DENND1C: variants seen among roughly 807,000 people sequenced by gnomAD.
DENND1C encodes DENN domain containing 1C, also known as DENN domain-containing protein 1C.
A neutral mutation model predicts 87.9 loss-of-function variants in DENND1C; 64 were observed. The observed-to-expected ratio is 0.73, with a 90% confidence interval of 0.60 to 0.90. The LOEUF (loss-of-function observed/expected upper bound fraction) is 0.90. Ranked by LOEUF, DENND1C falls within the 40% of genes least tolerant of loss-of-function variation. The pLI, the probability that DENND1C is intolerant of heterozygous loss-of-function variation, is 0.00. For missense variants in DENND1C, 980 were observed against 1,037.0 expected (o/e 0.95, Z 0.76); for synonymous variants, 384 against 424.4 (o/e 0.90, Z 1.17).
intron 1 of DENND1C, chr19:6,480,289 G>A (rs1331339021): frequency 7.1e-7 from 1 of 1,417,562 alleles, no homozygotes; most frequent in African/African-American, 1.4e-5. Context: ...GTGTGGCTGT[G>A]TATGATTGTG....
chr19:6,479,368 G>A lies in DENND1C; in HGVS notation c.176+301C>T, dbSNP rs1349404240. Reference sequence around the variant, plus strand: ...GAGTCCCTGGTCCCTGAGTTTCTGAGTCTCTGGGTTCCGAAGTCCCTGAAT... The same window carrying A: ...GAGTCCCTGGTCCCTGAGTTTCTGAATCTCTGGGTTCCGAAGTCCCTGAAT... On this transcript the variant is annotated intron_variant, in intron 4 of 22. Coordinates refer to ENST00000381480, the MANE Select transcript of DENND1C (RefSeq NM_024898.4). Among the ~76,000 whole-genome samples, 51 of 147,452 alleles carry A rather than the reference G, an allele frequency of 3.5e-4. 2 individuals carry two copies. Among genetic ancestry groups the A allele is most frequent in the African/African-American group, 1.3e-3 (50 of 37,874 alleles).
At chr19:6,468,183 C>T in intron 22 of DENND1C, 51 bp downstream of exon 22, 1 of 1,612,002 alleles carries the variant, frequency 6.2e-7, no homozygotes, top group South Asian at 1.1e-5. Context: ...GTTGGATGGA[C>T]CATTAGGGGA....
chr19:6,470,580 G>GT (rs1424042127), intron 17 of DENND1C, among the ~76,000 whole-genome samples: 2 of 122,004 alleles, frequency 1.6e-5, no homozygotes, highest in South Asian at 2.6e-4. Context: ...TTTTGTTTTT[G>GT]TTTTTTTTGA....
At position 6,470,731 on chromosome 19, in the gene DENND1C, C is replaced by T. The variant is rs193196361; in HGVS notation, c.1291-365G>A. Among the ~76,000 whole-genome samples the T allele has an allele frequency of 3.7e-3, 537 of 146,866 alleles. 2 individuals carry two copies. The highest frequency in any genetic ancestry group is 5.1e-3 in the Non-Finnish European group (340 of 67,094). On this transcript the variant is annotated intron_variant, in intron 17 of 22. Coordinates refer to ENST00000381480, the MANE Select transcript of DENND1C (RefSeq NM_024898.4). ...CCACCTCCCTGGTTCAAGCGATTCT[C>T]CTGCCTCAGCTTCCCGAGTAGCTGG...
At position 6,467,445 on chromosome 19, in the gene DENND1C, C is replaced by CT; in HGVS notation, c.*58dup. The CT allele has an allele frequency of 6.8e-7, 1 of 1,460,318 alleles. No individual in the cohort carries two copies. The allele number at this position is 1,460,318 out of a possible 1,614,324, so 90.5% of individuals were successfully genotyped here. ...AGAAATTCACCAGGAAAAAAACCAG[C>CT]TTTTTTGGGCTCTTGTGGCTTTATT... On this transcript the variant is annotated 3_prime_UTR_variant, in exon 23 of 23. Coordinates refer to ENST00000381480, the MANE Select transcript of DENND1C (RefSeq NM_024898.4).
intron 18 of DENND1C, 117 bp from the exon 19 acceptor site, chr19:6,469,757 G>A (rs575889927): frequency 5.9e-5 from 61 of 1,026,268 alleles, no homozygotes; most frequent in Middle Eastern, 2.8e-4. Context: ...TCTCAAATAC[G>A]TTCACCACCC....
At position 6,467,314 on chromosome 19, in the gene DENND1C, G is replaced by T. The variant is rs1220201294; in HGVS notation, c.*190C>A. ...TTGTAAGGTTGCCAGGATTCTAGAA[G>T]ACCAGGAGGCTTCCTGGAATTCCCT... is the stretch of plus-strand genomic sequence containing the variant. On this transcript the variant is annotated 3_prime_UTR_variant, in exon 23 of 23. Transcript: ENST00000381480. The T allele has an allele frequency of 5.7e-6, 4 of 705,914 alleles. No homozygotes were observed. Among genetic ancestry groups the T allele is most frequent in the Non-Finnish European group, 6.3e-6 (3 of 477,950 alleles). 43.7% of individuals were successfully genotyped at this position (705,914 alleles called of 1,614,324 possible).
At position 6,468,320 on chromosome 19, in the gene DENND1C, T is replaced by G. The variant is rs62107586; in HGVS notation, c.1705A>C (p.Met569Leu). The change falls in exon 22 of 23, where the codon ATG becomes CTG. Residue 569 changes from methionine (M) to leucine (L), a missense_variant. Coordinates refer to ENST00000381480, the MANE Select transcript of DENND1C (RefSeq NM_024898.4). ...AGGCTGCCTGCGCTCTTGGCTCCCATGCTAAGACTGTCCAGAATCTCGCTC... is the reference window on the plus strand; with the variant it reads ...AGGCTGCCTGCGCTCTTGGCTCCCAGGCTAAGACTGTCCAGAATCTCGCTC... The part of the protein sequence containing the change: ...LLSEILDSLS[M>L]GAKSAGSLRP... The G allele has an allele frequency of 6.2e-7, 1 of 1,613,222 alleles. No individual in the cohort carries two copies. Among genetic ancestry groups the G allele is most frequent in the Non-Finnish European group, 8.5e-7 (1 of 1,179,540 alleles).
At chr19:6,472,849 C>T in intron 15 of DENND1C, 40 bp downstream of exon 15, 5 of 1,436,022 alleles carry the variant, frequency 3.5e-6, no homozygotes, top group Non-Finnish European at 4.6e-6. Context: ...CTCAGCAGTC[C>T]ACCTCCAGTC....
At position 6,477,067 on chromosome 19, in the gene DENND1C, C is replaced by G; in HGVS notation, c.567+7G>C. The G allele has an allele frequency of 1.2e-6, 2 of 1,608,094 alleles. No homozygotes were observed. Among genetic ancestry groups the G allele is most frequent in the Non-Finnish European group, 1.7e-6 (2 of 1,177,416 alleles). ...GTTCTCACCCCCAGAGACCCCTCCC[C>G]ACTCACGTTCTCAGGGATGGATGGC... is the stretch of plus-strand genomic sequence containing the variant. On this transcript the variant is annotated splice_region_variant and intron_variant, in intron 9 of 22. Transcript: ENST00000381480.
chr19:6,478,746 G>A, intron 6 of DENND1C, 37 bp downstream of exon 6: 1 of 1,587,338 alleles, frequency 6.3e-7, no homozygotes, highest in South Asian at 1.1e-5. Flanking sequence ...GGTGGGGGCT[G>A]GGACTCCCAC....
rs2092837489 is a variant in DENND1C at position 6,472,951 on chromosome 19, T to A, written c.1096A>T (p.Lys366Ter). Residue 366 changes from lysine to a stop codon, truncating the protein, a stop_gained, in exon 15 of 23, where the codon AAG becomes TAG. Coordinates refer to ENST00000381480, the MANE Select transcript of DENND1C (RefSeq NM_024898.4). LOFTEE classifies it high-confidence loss of function. ...TFSEEVFLAQ[K>*]PGAPLQAFHR... is the part of the protein sequence containing the mutation. Reference sequence around the variant, plus strand: ...AAGGCCTGCAGAGGTGCCCCAGGCTTCTGGGCCAAGAAGACTTCCTCACTG... The same window carrying A: ...AAGGCCTGCAGAGGTGCCCCAGGCTACTGGGCCAAGAAGACTTCCTCACTG... 6.3e-7 allele frequency: 1 copy of A among 1,589,554 alleles called. No homozygotes were observed. The highest frequency in any genetic ancestry group is 1.3e-5 in the African/African-American group (1 of 74,104).
chr19:6,480,403 T>C, intron 1 of DENND1C: 1 of 1,170,042 alleles, frequency 8.5e-7, no homozygotes, highest in Non-Finnish European at 1.1e-6. Context: ...GGCATGAGAC[T>C]GCACAGATAT....
At chr19:6,478,661 G>C in intron 6 of DENND1C, 122 bp downstream of exon 6, 1 of 1,174,984 alleles carries the variant, frequency 8.5e-7, no homozygotes, top group Non-Finnish European at 1.2e-6. Flanking sequence ...CCAAAATGCA[G>C]GGACTACAGG....
In DENND1C at chr19:6,479,295, GAA is replaced by G. The variant is rs1304510685; in HGVS notation, c.177-241_177-240del. The stretch of plus-strand genomic sequence containing the variant: ...TGGGTTTCTGGATCTCTGGGTCCTT[GAA>G]TCCCTAAGTCCCTGGGTTCCTCAGT... On this transcript the variant is annotated intron_variant, in intron 4 of 22. Transcript: ENST00000381480. Among the ~76,000 whole-genome samples the G allele has an allele frequency of 1.2e-3, 182 of 149,578 alleles. 1 individual carries two copies. Among genetic ancestry groups the G allele is most frequent in the African/African-American group, 4.3e-3 (170 of 39,236 alleles).
chr19:6,471,989 CGA>C (rs1441914186), intron 15 of DENND1C, among the ~76,000 whole-genome samples: 56 of 152,324 alleles, frequency 3.7e-4, no homozygotes, highest in Non-Finnish European at 4.4e-5. Flanking sequence ...CCTCCCTCCC[CGA>C]GTCAGGACCT....
Position 6,477,203 on chromosome 19 carries a change from C to T in DENND1C, c.513+15G>A. The T allele has an allele frequency of 6.3e-7, 1 of 1,588,874 alleles. No homozygotes were observed. Among genetic ancestry groups the T allele is most frequent in the Non-Finnish European group, 8.6e-7 (1 of 1,168,170 alleles). On this transcript the variant is annotated intron_variant, in intron 8 of 22. Coordinates refer to ENST00000381480, the MANE Select transcript of DENND1C (RefSeq NM_024898.4). ...CTGGACCCCCGACCTTCCAGGGTCC[C>T]CGAGCCCCGCTCACCGGCTTGCTAT...
chr19:6,471,507 G>A lies in DENND1C; in HGVS notation c.1159-11C>T, dbSNP rs1487504318. The A allele has an allele frequency of 3.9e-6, 6 of 1,538,236 alleles. No homozygotes were observed. Among genetic ancestry groups the A allele is most frequent in the Non-Finnish European group, 4.4e-6 (5 of 1,140,434 alleles). On this transcript the variant is annotated splice_polypyrimidine_tract_variant and intron_variant, in intron 15 of 22. Coordinates refer to ENST00000381480, the MANE Select transcript of DENND1C (RefSeq NM_024898.4). ...CCGGGCTTCGATGAACTGGGGTGGG[G>A]GACAGTAAATCAGAAACAGCAGGAG... is the stretch of plus-strand genomic sequence containing the variant.
In DENND1C at chr19:6,478,827, A is replaced by G; in HGVS notation, c.322T>C (p.Tyr108His). 2 of 1,613,694 alleles carry G rather than the reference A, an allele frequency of 1.2e-6. No homozygotes were observed. The highest frequency in any genetic ancestry group is 2.2e-5 in the East Asian group (1 of 44,862). Residue 108 changes from tyrosine to histidine, a missense_variant, in exon 6 of 23, where the codon TAC becomes CAC. By Grantham distance (83) the Tyr-to-His change is moderately conservative (BLOSUM62 2). Transcript: ENST00000381480. ...TCTCCCACTGTGTTCAATAGCTTGT[A>G]AAACACCTCGAACCAAGGCAGGTGG... ...LSHLPWFEVF[Y>H]KLLNTVGDLL...
Sources: gnomAD v4.1 joint callset for allele counts (sites outside exome capture counted in the v4.1 genomes callset) on GRCh38, gnomAD v4.1.1 for gene constraint, MANE v1.5 for transcripts, NCBI Gene and HGNC (gene_info 2026-07-23, HGNC 2026-07-21) for gene names.